Variants in JAKMIP3 observed in about 807,000 individuals in gnomAD.
The protein encoded by JAKMIP3 is Janus kinase and microtubule interacting protein 3.
JAKMIP3 carries 58 observed loss-of-function variants against 118.5 expected under a neutral mutation model. The ratio of observed to expected loss-of-function variants is 0.49; its 90% CI spans 0.40 to 0.61. The LOEUF (loss-of-function observed/expected upper bound fraction) is 0.61, where lower values mean the gene tolerates loss of function less well. Among genes scored for constraint, JAKMIP3 ranks in the 20% least tolerant of loss-of-function variants. The pLI, the probability that JAKMIP3 is intolerant of heterozygous loss-of-function variation, is 0.00. For missense variants in JAKMIP3, 950 were observed against 1,109.0 expected, an observed-to-expected ratio of 0.86 and a Z score of 2.04; for synonymous variants, 486 against 451.2, an observed-to-expected ratio of 1.08 and a Z score of -0.98.
In JAKMIP3 at chr10:132,100,038, G is replaced by C. The variant is rs368245397; in HGVS notation, c.-137-4634G>C. Reference sequence around the variant, plus strand: ...TGAGGGGCTGGCACAGTGCTGTAGGGGGTGTCTGCTCTGAGCTTGCACCCA... The same window carrying C: ...TGAGGGGCTGGCACAGTGCTGTAGGCGGTGTCTGCTCTGAGCTTGCACCCA... On this transcript the variant is annotated intron_variant, in intron 1 of 23. Coordinates refer to ENST00000684848, the MANE Select transcript of JAKMIP3 (RefSeq NM_001323087.2). Among the ~76,000 whole-genome samples, 10 of 152,336 alleles carry C rather than the reference G, an allele frequency of 6.6e-5. No homozygotes were observed. The South Asian group carries it at 1.4e-3, about 22-fold the overall frequency.
In JAKMIP3 at chr10:132,054,416, G is replaced by A. The variant is rs191276548; in HGVS notation, c.-138+17678G>A. Among the ~76,000 whole-genome samples the A allele has an allele frequency of 4.4e-3, 664 of 152,244 alleles. 2 individuals carry two copies. Among genetic ancestry groups the A allele is most frequent in the Admixed American group, 9.1e-3 (139 of 15,300 alleles). On this transcript the variant is annotated intron_variant, in intron 1 of 23. Transcript: ENST00000657785. ...AGCTCAGAGAAAAACTTCTTGGTTC[G>A]TGTTTCTGGTATCACTCACCTGCAG... is the stretch of plus-strand genomic sequence containing the variant.
chr10:132,104,661 T>G lies in JAKMIP3; in HGVS notation c.-137-11T>G, dbSNP rs2045632074. 1.2e-6 allele frequency: 1 copy of G among 801,772 alleles called. No homozygotes were observed. Among genetic ancestry groups the G allele is most frequent in the South Asian group, 1.7e-5 (1 of 57,914 alleles). 49.7% of individuals were successfully genotyped at this position (801,772 alleles called of 1,614,324 possible). On this transcript the variant is annotated splice_polypyrimidine_tract_variant and intron_variant, in intron 1 of 23. Transcript: ENST00000684848. Reference sequence around the variant, plus strand: ...AGGGAGCTGCTCACCGCGGTGTGCTTTCCCCTCCAGGTGAATGAGAAGATG... The same window carrying G: ...AGGGAGCTGCTCACCGCGGTGTGCTGTCCCCTCCAGGTGAATGAGAAGATG...
intron 19 of JAKMIP3, among the ~76,000 whole-genome samples, chr10:132,154,567 A>G (rs909747962): frequency 2.6e-5 from 4 of 152,230 alleles, no homozygotes; most frequent in Non-Finnish European, 5.9e-5. Context: ...GACGGAAGGT[A>G]CGACCAGGAG....
intron 1 of JAKMIP3, among the ~76,000 whole-genome samples, chr10:132,040,191 C>T (rs1288425968): frequency 6.6e-6 from 1 of 152,146 alleles, no homozygotes; most frequent in Non-Finnish European, 1.5e-5. Flanking sequence ...GGATGGGTGC[C>T]CTTACAAGAA....
At chr10:132,074,335 G>A (rs978578536) in intron 1 of JAKMIP3, among the ~76,000 whole-genome samples, 20 of 152,150 alleles carry the variant, frequency 1.3e-4, no homozygotes, top group African/African-American at 4.8e-4. Flanking sequence ...TACAGGTGTG[G>A]GCCATGGCAC....
At position 132,046,508 on chromosome 10, in the gene JAKMIP3, TG is replaced by T. The variant is rs1173713833; in HGVS notation, c.-138+9771del. ...GGCGTCCACTTTGCACCTGGCTTTC[TG>T]TTCTCAGCATCGCGTCTTGGGTCTT... On this transcript the variant is annotated intron_variant, in intron 1 of 23. Transcript: ENST00000657785. 1.2e-4 allele frequency among the ~76,000 whole-genome samples: 18 copies of T among 152,036 alleles called. 1 individual carries two copies. The highest frequency in any genetic ancestry group is 1.0e-3 in the South Asian group (5 of 4,818).
At chr10:132,177,678 G>A (rs2060288308) in intron 23 of JAKMIP3, among the ~76,000 whole-genome samples, 1 of 149,440 alleles carries the variant, frequency 6.7e-6, no homozygotes, top group Non-Finnish European at 1.5e-5. Flanking sequence ...TGTCCACACT[G>A]TGCATTTGGC....
chr10:132,170,724 CTG>C (rs2059411388), intron 23 of JAKMIP3, among the ~76,000 whole-genome samples: 3 of 152,196 alleles, frequency 2.0e-5, no homozygotes, highest in South Asian at 4.1e-4. Context: ...AACGTGCAGA[CTG>C]TGTCTCAGGC....
rs397718310 is a variant in JAKMIP3 at position 132,078,344 on chromosome 10, A to ATT, written c.-138+12291_-138+12292dup. On this transcript the variant is annotated intron_variant, in intron 1 of 23. Transcript: ENST00000684848. ...GTGGAAGGATTTCATTTGCTGGGAC[A>ATT]TTTTTTTTTCCTTTTGTATATTCCT... Among the ~76,000 whole-genome samples the ATT allele has an allele frequency of 5.4e-3, 816 of 151,224 alleles. 4 individuals carry two copies. Among genetic ancestry groups the ATT allele is most frequent in the African/African-American group, 0.019 (777 of 41,260 alleles).
intron 1 of JAKMIP3, among the ~76,000 whole-genome samples, chr10:132,068,646 G>A (rs1232750690): frequency 1.3e-5 from 2 of 152,188 alleles, no homozygotes; most frequent in African/African-American, 2.4e-5. Flanking sequence ...AGCCCCAGGA[G>A]CTGCCTGGGC....
intron 1 of JAKMIP3, among the ~76,000 whole-genome samples, chr10:132,047,881 G>GC (rs1179248110): frequency 1.4e-5 from 2 of 137,940 alleles, no homozygotes; most frequent in African/African-American, 5.3e-5. Context: ...CCCCCGCCCC[G>GC]CCCCCCGCGA....
At chr10:132,078,964 G>T (rs995899753) in intron 1 of JAKMIP3, among the ~76,000 whole-genome samples, 1 of 152,224 alleles carries the variant, frequency 6.6e-6, no homozygotes, top group Non-Finnish European at 1.5e-5. Flanking sequence ...GTCAGGCGCA[G>T]CGCAGGGCTG....
chr10:132,089,111 C>A (rs1373392231), intron 1 of JAKMIP3, among the ~76,000 whole-genome samples: 5 of 152,076 alleles, frequency 3.3e-5, no homozygotes, highest in Non-Finnish European at 7.3e-5. Flanking sequence ...GTTACTCTAG[C>A]CTTGTAGTAT....
chr10:132,099,983 G>A (rs1052928370), intron 1 of JAKMIP3, among the ~76,000 whole-genome samples: 3 of 152,196 alleles, frequency 2.0e-5, no homozygotes, highest in African/African-American at 2.4e-5. Flanking sequence ...GGACAGCCCC[G>A]GTCCCAGCCC....
chr10:132,146,327 C>G (rs2054604429), intron 13 of JAKMIP3, among the ~76,000 whole-genome samples: 1 of 152,142 alleles, frequency 6.6e-6, no homozygotes, highest in African/African-American at 2.4e-5. Flanking sequence ...CTCAGCTGCT[C>G]CCTGCACTGG....
intron 1 of JAKMIP3, among the ~76,000 whole-genome samples, chr10:132,102,439 T>G (rs1157827829): frequency 6.6e-6 from 1 of 152,104 alleles, no homozygotes; most frequent in Admixed American, 6.5e-5. Flanking sequence ...CTCCCAGCTT[T>G]GCCATCTGCC....
chr10:132,102,847 T>C (rs1194348806), intron 1 of JAKMIP3, among the ~76,000 whole-genome samples: 4 of 151,688 alleles, frequency 2.6e-5, no homozygotes, highest in Admixed American at 2.0e-4. Context: ...GACTGATAAA[T>C]AGGGGGCTGG....
chr10:132,100,490 G>T (rs1450192669), intron 1 of JAKMIP3, among the ~76,000 whole-genome samples: 1 of 152,134 alleles, frequency 6.6e-6, no homozygotes, highest in Non-Finnish European at 1.5e-5. Flanking sequence ...GACCAGAACA[G>T]CCTCACACAC....
Position 132,048,928 on chromosome 10 carries a change from C to A in JAKMIP3, c.-138+12190C>A, listed in dbSNP as rs140978551. Among the ~76,000 whole-genome samples the A allele has an allele frequency of 7.3e-3, 1,114 of 152,306 alleles. 14 individuals are homozygous for A. Among genetic ancestry groups the A allele is most frequent in the African/African-American group, 0.025 (1,044 of 41,570 alleles). ...GTGCTGGGATTACAGGCGTGAGCCA[C>A]CGCGCCCGGCCTGGGCTTGACTGTT... On this transcript the variant is annotated intron_variant, in intron 1 of 23. Transcript: ENST00000657785.
Sources: allele counts gnomAD v4.1 joint callset (sites outside exome capture counted in the v4.1 genomes callset), GRCh38; gene constraint gnomAD v4.1.1; transcripts MANE v1.5; gene names NCBI Gene and HGNC (gene_info 2026-07-23, HGNC 2026-07-21).